Variants in GRK3 observed in about 807,000 individuals in gnomAD.
GRK3 encodes the protein G protein-coupled receptor kinase 3, also known as adrenergic, beta, receptor kinase 2.
Under a neutral mutation model 95.7 loss-of-function variants are expected in GRK3, and 54 were observed. That is an observed-to-expected ratio of 0.56 (90% CI 0.45 to 0.71). The LOEUF (loss-of-function observed/expected upper bound fraction) is 0.71. Among genes scored for constraint, GRK3 ranks in the 30% least tolerant of loss-of-function variants. The pLI is 0.00. For missense variants in GRK3, 649 were observed against 851.2 expected, an observed-to-expected ratio of 0.76 and a Z score of 2.96; for synonymous variants, 281 against 290.8, an observed-to-expected ratio of 0.97 and a Z score of 0.34.
chr22:25,633,433 A>G (rs1453627377), intron 2 of GRK3, among the ~76,000 whole-genome samples: 1 of 152,190 alleles, frequency 6.6e-6, no homozygotes, highest in Non-Finnish European at 1.5e-5. Flanking sequence ...GATCCATTCC[A>G]TGAACATGGT....
At chr22:25,613,047 A>G (rs2084510815) in intron 2 of GRK3, among the ~76,000 whole-genome samples, 2 of 152,218 alleles carry the variant, frequency 1.3e-5, no homozygotes, top group South Asian at 4.1e-4. Flanking sequence ...TTGTAAAATT[A>G]TTGCTTGACA....
chr22:25,683,787 T>C (rs2085092779), intron 9 of GRK3, among the ~76,000 whole-genome samples: 1 of 152,208 alleles, frequency 6.6e-6, no homozygotes, highest in Non-Finnish European at 1.5e-5. Flanking sequence ...TGTGTATTTA[T>C]GGGTTGCATA....
chr22:25,645,616 G>A (rs1308088228), intron 3 of GRK3, among the ~76,000 whole-genome samples: 3 of 152,132 alleles, frequency 2.0e-5, no homozygotes, highest in East Asian at 3.9e-4. Flanking sequence ...CATAGACGGC[G>A]TGCCTTAGAA....
At chr22:25,623,561 CCAGAA>C (rs1451930892) in intron 2 of GRK3, among the ~76,000 whole-genome samples, 4 of 152,196 alleles carry the variant, frequency 2.6e-5, no homozygotes, top group African/African-American at 7.2e-5. Flanking sequence ...CTTGCCTCTA[CCAGAA>C]CAGATCAAAT....
intron 13 of GRK3, among the ~76,000 whole-genome samples, chr22:25,700,465 T>G (rs2085249516): frequency 6.6e-6 from 1 of 152,208 alleles, no homozygotes; most frequent in African/African-American, 2.4e-5. Flanking sequence ...TAGGGAGAAC[T>G]GAGTGCTGCT....
At chr22:25,721,475 T>C (rs2085431786) in intron 20 of GRK3, 78 bp downstream of exon 20, 1 of 818,420 alleles carries the variant, frequency 1.2e-6, no homozygotes. Context: ...CTATAAAACA[T>C]TTTCTTATGC....
chr22:25,690,792 A>C (rs769446066), intron 12 of GRK3, among the ~76,000 whole-genome samples: 3 of 152,148 alleles, frequency 2.0e-5, no homozygotes, highest in Non-Finnish European at 4.4e-5. Flanking sequence ...AGAAATTAGG[A>C]ATATTTCTTT....
At chr22:25,688,703 G>A (rs1389843858) in intron 11 of GRK3, among the ~76,000 whole-genome samples, 1 of 152,182 alleles carries the variant, frequency 6.6e-6, no homozygotes, top group Non-Finnish European at 1.5e-5. Flanking sequence ...GCGGTGCTTG[G>A]TCCTGGGTTT....
At chr22:25,692,375 T>G (rs1428705345) in intron 12 of GRK3, among the ~76,000 whole-genome samples, 1 of 152,250 alleles carries the variant, frequency 6.6e-6, no homozygotes, top group East Asian at 1.9e-4. Flanking sequence ...TCAGCCTCAT[T>G]GTCCCTTCTG....
chr22:25,628,740 C>T (rs540575879), intron 2 of GRK3, among the ~76,000 whole-genome samples: 26 of 152,306 alleles, frequency 1.7e-4, no homozygotes, highest in Middle Eastern at 6.8e-3. Flanking sequence ...GGTAACAGTG[C>T]TTGTCACAGG....
chr22:25,631,662 A>G (rs1218095491), intron 2 of GRK3, among the ~76,000 whole-genome samples: 1 of 152,234 alleles, frequency 6.6e-6, no homozygotes, highest in Non-Finnish European at 1.5e-5. Context: ...ACCAACGCAT[A>G]AAGTGTGCAG....
At chr22:25,649,994 A>AT (rs112952125) in intron 3 of GRK3, among the ~76,000 whole-genome samples, 243 of 144,840 alleles carry the variant, frequency 1.7e-3, no homozygotes, top group East Asian at 3.2e-3. Flanking sequence ...GGTTGCATTG[A>AT]TTTTTTTTTT....
At chr22:25,702,282 G>T (rs1388136831) in intron 13 of GRK3, among the ~76,000 whole-genome samples, 1 of 152,166 alleles carries the variant, frequency 6.6e-6, no homozygotes, top group Non-Finnish European at 1.5e-5. Context: ...AATTAATTCA[G>T]TAGGATGACC....
chr22:25,679,114 GT>G (rs2085055250), intron 9 of GRK3, among the ~76,000 whole-genome samples, 199 bp downstream of exon 9: 2 of 152,266 alleles, frequency 1.3e-5, no homozygotes, highest in South Asian at 4.1e-4. Context: ...TGGCTTCTCC[GT>G]TTAGTGCCTA....
intron 11 of GRK3, among the ~76,000 whole-genome samples, chr22:25,688,061 C>A (rs908719060): frequency 3.9e-5 from 6 of 151,908 alleles, no homozygotes; most frequent in Non-Finnish European, 5.9e-5. Flanking sequence ...ACAGTGAAAC[C>A]CCGTCTCTAC....
intron 5 of GRK3, among the ~76,000 whole-genome samples, chr22:25,665,957 T>C (rs981002080): frequency 6.6e-6 from 1 of 152,218 alleles, no homozygotes; most frequent in African/African-American, 2.4e-5. Flanking sequence ...CACTGTGCCC[T>C]GAGCTCGGCT....
At chr22:25,699,985 C>A (rs992759513) in intron 13 of GRK3, among the ~76,000 whole-genome samples, 3 of 152,208 alleles carry the variant, frequency 2.0e-5, no homozygotes, top group African/African-American at 7.2e-5. Flanking sequence ...GGCGTGAGCC[C>A]CCGCGCCCGG....
At chr22:25,713,159 G>T (rs1295857262) in intron 17 of GRK3, among the ~76,000 whole-genome samples, 2 of 152,228 alleles carry the variant, frequency 1.3e-5, no homozygotes, top group East Asian at 1.9e-4. Context: ...TGGGCAAGGA[G>T]CATGCTTTGA....
At chr22:25,617,831 C>T (rs897730463) in intron 2 of GRK3, among the ~76,000 whole-genome samples, 1 of 152,156 alleles carries the variant, frequency 6.6e-6, no homozygotes, top group Admixed American at 6.5e-5. Flanking sequence ...GGCTGGAGTG[C>T]AATGGCTTGA....
Sources: allele counts gnomAD v4.1 joint callset (sites outside exome capture counted in the v4.1 genomes callset), GRCh38; gene constraint gnomAD v4.1.1; transcripts MANE v1.5; gene names NCBI Gene and HGNC (gene_info 2026-07-23, HGNC 2026-07-21).